The following MYO16 variants were observed in gnomAD, a reference collection of about 807,000 sequenced individuals.
The protein encoded by MYO16 is unconventional myosin-XVI.
MYO16 carries 94 observed loss-of-function variants against 205.3 expected under a neutral mutation model. The observed-to-expected ratio is 0.46, with a 90% CI of 0.39 to 0.54. MYO16 has a LOEUF of 0.54. Ranked by LOEUF, MYO16 falls within the 20% of genes least tolerant of loss-of-function variation. MYO16 has a pLI of 0.00. For synonymous variants in MYO16, 988 were observed against 954.0 expected, an observed-to-expected ratio of 1.04 and a Z score of -0.66; for missense variants, 2,315 against 2,387.5, an observed-to-expected ratio of 0.97 and a Z score of 0.63.
intron 20 of MYO16, 30 bp downstream of exon 20, chr13:108,964,932 G>T: frequency 1.3e-6 from 2 of 1,589,678 alleles, no homozygotes; most frequent in Non-Finnish European, 1.7e-6. Flanking sequence ...CGGTTCTGTT[G>T]TCATTACTGT....
At chr13:108,897,497 G>A (rs1880482909) in intron 14 of MYO16, among the ~76,000 whole-genome samples, 1 of 152,184 alleles carries the variant, frequency 6.6e-6, no homozygotes, top group Non-Finnish European at 1.5e-5. Flanking sequence ...TGAGGCAAAA[G>A]CACGGTACAG....
At chr13:108,643,150 T>C (rs900081644) in intron 1 of MYO16, among the ~76,000 whole-genome samples, 5 of 152,236 alleles carry the variant, frequency 3.3e-5, no homozygotes, top group African/African-American at 1.2e-4. Context: ...GTGTCCTTTA[T>C]AGTCAATCTC....
At chr13:109,078,443 A>C (rs371567917) in intron 27 of MYO16, among the ~76,000 whole-genome samples, 1 of 152,174 alleles carries the variant, frequency 6.6e-6, no homozygotes, top group African/African-American at 2.4e-5. Flanking sequence ...TCTTTAAAAA[A>C]AATTCTGCAT....
chr13:108,638,599 T>A (rs1880362591), intron 1 of MYO16, among the ~76,000 whole-genome samples: 1 of 152,130 alleles, frequency 6.6e-6, no homozygotes, highest in Non-Finnish European at 1.5e-5. Flanking sequence ...TGAAAATAAT[T>A]GTCCTTGTAA....
intron 30 of MYO16, among the ~76,000 whole-genome samples, chr13:109,126,631 A>T (rs936629633): frequency 6.6e-6 from 1 of 152,252 alleles, no homozygotes; most frequent in African/African-American, 2.4e-5. Context: ...TAAGTGAAGA[A>T]GTATTTGTCT....
chr13:108,920,912 AC>A (rs1881720581), intron 16 of MYO16, among the ~76,000 whole-genome samples: 1 of 152,224 alleles, frequency 6.6e-6, no homozygotes, highest in Non-Finnish European at 1.5e-5. Context: ...GTGGCTGGTC[AC>A]TGGAGGTGTG....
intron 2 of MYO16, among the ~76,000 whole-genome samples, chr13:108,684,918 G>A (rs1287206971): frequency 6.6e-6 from 1 of 152,052 alleles, no homozygotes; most frequent in Non-Finnish European, 1.5e-5. Context: ...CTGTGTTTTA[G>A]TACCCTTTAT....
chr13:108,785,173 G>A (rs1166852532), intron 4 of MYO16, among the ~76,000 whole-genome samples: 2 of 152,168 alleles, frequency 1.3e-5, no homozygotes, highest in East Asian at 3.8e-4. Context: ...GCTCCCAGAT[G>A]AGTTTCTGTG....
rs1281012251 is a variant in MYO16 at position 109,125,052 on chromosome 13, G to A, written c.3536-60G>A. The A allele has an allele frequency of 1.8e-5, 28 of 1,556,672 alleles. No homozygotes were observed. In the South Asian group the frequency reaches 2.5e-4, roughly 14 times the overall value. ...GATAAGTATATTATGATTTTTGTTT[G>A]TGCATGTCTGAGTTTTTCACTTTTC... On this transcript the variant is annotated intron_variant, in intron 29 of 34. Transcript: ENST00000457511. This position sits in a 1 kb window ranked among gnomAD's most constrained non-coding sequence, Gnocchi z 4.0.
chr13:108,734,640 A>G (rs962435844), intron 4 of MYO16, among the ~76,000 whole-genome samples: 1 of 152,238 alleles, frequency 6.6e-6, no homozygotes, highest in African/African-American at 2.4e-5. Context: ...CCACACAGCC[A>G]AGAAAATAGC....
chr13:109,194,481 C>T (rs566705415), intron 34 of MYO16, among the ~76,000 whole-genome samples: 7 of 152,126 alleles, frequency 4.6e-5, no homozygotes, highest in South Asian at 2.1e-4. Context: ...AGAGTACTAA[C>T]GTGAAAATGT....
At chr13:108,745,913 C>T (rs570496355) in intron 4 of MYO16, among the ~76,000 whole-genome samples, 5 of 152,222 alleles carry the variant, frequency 3.3e-5, no homozygotes, top group South Asian at 2.1e-4. Context: ...TGCAGCCGGG[C>T]GCGGTGGCTC....
At chr13:109,021,371 C>T (rs535675532) in intron 23 of MYO16, among the ~76,000 whole-genome samples, 3 of 152,120 alleles carry the variant, frequency 2.0e-5, no homozygotes, top group Non-Finnish European at 4.4e-5. Flanking sequence ...GCACAAGTAG[C>T]GTGTGCAAAC....
In MYO16 at chr13:109,032,529, G is replaced by A. The variant is rs116144262; in HGVS notation, c.2796+12618G>A. ...GACTTAGAGGACAAAGGAAGAAACC[G>A]TGGAAATGCACTTATGTCCACATTT... On this transcript the variant is annotated intron_variant, in intron 23 of 34. Coordinates refer to ENST00000457511, the MANE Select transcript of MYO16 (RefSeq NM_001198950.3). Among the ~76,000 whole-genome samples the A allele has an allele frequency of 7.9e-3, 1,209 of 152,326 alleles. 13 individuals are homozygous for A. The highest frequency in any genetic ancestry group is 0.027 in the African/African-American group (1,108 of 41,570).
At chr13:109,160,286 C>T (rs575271) in intron 32 of MYO16, among the ~76,000 whole-genome samples, 7,376 of 152,204 alleles carry the variant, frequency 0.048, 591 homozygotes, top group African/African-American at 0.17. Flanking sequence ...ACAAGACAAC[C>T]GAATTTTTTG....
At chr13:108,712,590 G>A (rs1026458114) in intron 2 of MYO16, 71 bp from the exon 3 acceptor site, 2 of 1,321,174 alleles carry the variant, frequency 1.5e-6, no homozygotes, top group African/African-American at 2.9e-5. Flanking sequence ...ATTAACGAAA[G>A]CCTACACATT....
chr13:108,579,732 A>T, the MYO16 span, among the ~76,000 whole-genome samples: 1 of 152,106 alleles, frequency 6.6e-6, no homozygotes, highest in Admixed American at 6.5e-5. Flanking sequence ...GCCACCATGG[A>T]TGGCCAAGGC....
At chr13:108,744,214 C>T (rs1884992244) in intron 4 of MYO16, among the ~76,000 whole-genome samples, 1 of 152,136 alleles carries the variant, frequency 6.6e-6, no homozygotes. Context: ...CTTCAACTTC[C>T]TACTAAGAAA....
chr13:108,844,208 T>C, intron 9 of MYO16, 135 bp from the exon 10 acceptor site: 1 of 587,472 alleles, frequency 1.7e-6, no homozygotes, highest in Non-Finnish European at 2.6e-6. Flanking sequence ...TACTAATTTT[T>C]TTCCTGCAGT....
Sources: gnomAD v4.1 joint callset for allele counts (sites outside exome capture counted in the v4.1 genomes callset) on GRCh38, gnomAD v4.1.1 for gene constraint, Gnocchi (gnomAD v3.1) non-coding constraint, MANE v1.5 for transcripts, NCBI Gene and HGNC (gene_info 2026-07-23, HGNC 2026-07-21) for gene names.